The following NUDT4 variants were observed in gnomAD, a reference collection of about 807,000 sequenced individuals.
The protein encoded by NUDT4 is diphosphoinositol polyphosphate phosphohydrolase 2.
NUDT4 carries 5 observed loss-of-function variants against 23.1 expected under a neutral mutation model. The ratio of observed to expected loss-of-function variants is 0.22; its 90% CI spans 0.11 to 0.46. The LOEUF is 0.46. Ranked by LOEUF, NUDT4 falls within the 20% of genes least tolerant of loss-of-function variation. The probability of loss-of-function intolerance (pLI) is 0.99; values close to 1 mark genes in which losing one functional copy is unlikely to be tolerated. For synonymous variants in NUDT4, 50 were observed against 79.0 expected (o/e 0.63, Z 1.95); for missense variants, 96 against 211.6 (o/e 0.45, Z 3.39).
At chr12:93,379,169 G>T (rs1342400952) in intron 1 of NUDT4, among the ~76,000 whole-genome samples, 2 of 152,178 alleles carry the variant, frequency 1.3e-5, no homozygotes, top group African/African-American at 2.4e-5. Context: ...CATCTGGAAA[G>T]GAGTAGCCTT....
rs749065721 is a variant in NUDT4 at position 93,399,216 on chromosome 12, A to G, written c.380A>G (p.Lys127Arg). 2.1e-5 allele frequency: 34 copies of G among 1,599,596 alleles called. No individual in the cohort carries two copies. Among genetic ancestry groups the G allele is most frequent in the African/African-American group, 2.7e-5 (2 of 74,556 alleles). ...REWFKVEDAI[K>R]VLQCHKPVHA... is the part of the protein sequence containing the mutation. ...TGGTTCAAAGTAGAAGATGCTATCA[A>G]AGTTCTCCAGTGTCATAAACCTGTA... The change falls in exon 5 of 5, where the codon AAA becomes AGA. Residue 127 changes from lysine to arginine, a missense_variant. Lys to Arg is a conservative substitution (Grantham distance 26). Coordinates refer to ENST00000415493, the MANE Select transcript of NUDT4 (RefSeq NM_019094.6).
chr12:93,379,812 A>G (rs1352120245), intron 1 of NUDT4, among the ~76,000 whole-genome samples: 1 of 152,258 alleles, frequency 6.6e-6, no homozygotes, highest in African/African-American at 2.4e-5. Flanking sequence ...ATAAAGCCTT[A>G]GCGGAAAGGG....
chr12:93,378,764 G>T, intron 1 of NUDT4: 1 of 1,026,136 alleles, frequency 9.7e-7, no homozygotes, highest in Non-Finnish European at 1.2e-6. Flanking sequence ...AACCTCGAGT[G>T]CTCAGCGAGA....
At chr12:93,379,815 G>A (rs913183162) in intron 1 of NUDT4, among the ~76,000 whole-genome samples, 1 of 152,162 alleles carries the variant, frequency 6.6e-6, no homozygotes. Context: ...AAGCCTTAGC[G>A]GAAAGGGGCC....
chr12:93,380,797 C>T (rs188057350), intron 1 of NUDT4, among the ~76,000 whole-genome samples: 8,757 of 152,216 alleles, frequency 0.058, 256 homozygotes, highest in Non-Finnish European at 0.065. Context: ...TGCCAGACTT[C>T]CCAGGACAGT....
At chr12:93,385,159 C>T (rs1841122410) in intron 1 of NUDT4, 1 of 152,032 alleles carries the variant, frequency 6.6e-6, no homozygotes, top group South Asian at 2.1e-4. Flanking sequence ...TTCAGCAGTG[C>T]CAGGTGAGTG....
intron 1 of NUDT4, among the ~76,000 whole-genome samples, chr12:93,386,003 C>G (rs1029470420): frequency 2.1e-4 from 28 of 133,106 alleles, no homozygotes; most frequent in Non-Finnish European, 3.8e-4. Context: ...GAGATAGAAT[C>G]TCACTTCTGT....
chr12:93,385,941 T>TATATATATATATATATATA (rs1565777284), intron 1 of NUDT4, among the ~76,000 whole-genome samples: 16 of 104,606 alleles, frequency 1.5e-4, no homozygotes, highest in South Asian at 3.2e-4. Flanking sequence ...GTAAATCTTT[T>TATATATATATATATATATA]TATATATATA....
In NUDT4 at chr12:93,378,849, C is replaced by T. The variant is rs1021397232; in HGVS notation, c.99+428C>T. 5.4e-6 allele frequency: 5 copies of T among 932,674 alleles called. No homozygotes were observed. In the African/African-American group the frequency reaches 8.9e-5, roughly 17 times the overall value. 57.8% of individuals were successfully genotyped at this position (932,674 alleles called of 1,614,324 possible). ...TACATATTTTCCTTCCATGTTACAG[C>T]CGTTTGCGGTCTCGGATTCGATCTA... On this transcript the variant is annotated intron_variant, in intron 1 of 4. Transcript: ENST00000415493.
chr12:93,394,934 C>T (rs908726013), intron 2 of NUDT4, among the ~76,000 whole-genome samples: 17 of 152,040 alleles, frequency 1.1e-4, no homozygotes, highest in Non-Finnish European at 2.1e-4. Flanking sequence ...CTGCCACCTC[C>T]GCCTCCCAGG....
At chr12:93,394,879 C>T (rs973149512) in intron 2 of NUDT4, among the ~76,000 whole-genome samples, 160 bp downstream of exon 2, 4 of 151,898 alleles carry the variant, frequency 2.6e-5, no homozygotes, top group African/African-American at 9.7e-5. Flanking sequence ...GATGGAGTCT[C>T]GCTCTGTTGC....
intron 1 of NUDT4, among the ~76,000 whole-genome samples, chr12:93,393,901 G>A (rs1481966574): frequency 1.3e-5 from 2 of 152,162 alleles, no homozygotes; most frequent in Admixed American, 1.3e-4. Context: ...AGGAAACAAG[G>A]TAACCTACCT....
chr12:93,398,968 T>G, intron 4 of NUDT4, 113 bp downstream of exon 4: 1 of 854,192 alleles, frequency 1.2e-6, no homozygotes, highest in Non-Finnish European at 1.8e-6. Flanking sequence ...TATATTCCTG[T>G]GTCCAGTTTC....
rs1445088984 is a variant in NUDT4, at chr12:93,378,626, G to T, written c.99+205G>T. The T allele has an allele frequency of 2.5e-6, 3 of 1,217,078 alleles. No individual in the cohort carries two copies. The African/African-American group carries it at 4.7e-5, about 19-fold the overall frequency. 75.4% of individuals were successfully genotyped at this position (1,217,078 alleles called of 1,614,324 possible). The stretch of plus-strand genomic sequence containing the variant: ...CTGATAGATGAGACAAAGGGGGCTC[G>T]CCCAGCCCCAGTTTCTCCATCTGGG... On this transcript the variant is annotated intron_variant, in intron 1 of 4. Coordinates refer to ENST00000415493, the MANE Select transcript of NUDT4 (RefSeq NM_019094.6).
intron 1 of NUDT4, among the ~76,000 whole-genome samples, chr12:93,383,932 C>T (rs1041038997): frequency 8.5e-5 from 13 of 152,112 alleles, no homozygotes; most frequent in Admixed American, 3.9e-4. Flanking sequence ...ATGGCTCCTC[C>T]GCTCCCCTTC....
rs546416591 is a variant in NUDT4 at position 93,381,966 on chromosome 12, A to G, written c.99+3545A>G. Among the ~76,000 whole-genome samples the G allele has an allele frequency of 8.6e-4, 131 of 152,326 alleles. 1 individual carries two copies. The highest frequency in any genetic ancestry group is 1.7e-3 in the Non-Finnish European group (114 of 68,014). ...CATTAACAAATCAGTCTGAAGGACT[A>G]ACCACTACAGGCCAGGCAGGTGGCT... On this transcript the variant is annotated intron_variant, in intron 1 of 4. Coordinates refer to ENST00000415493, the MANE Select transcript of NUDT4 (RefSeq NM_019094.6).
rs1877811711 is a variant in NUDT4, at chr12:93,406,287, A to G, written c.*6908A>G. ...TGGCTAGAGCAGCCAAAAAAAAAAA[A>G]AAAAAAAAAAAAAAAAAAGGTTCCT... On this transcript the variant is annotated 3_prime_UTR_variant, in exon 5 of 5. Coordinates refer to ENST00000415493, the MANE Select transcript of NUDT4 (RefSeq NM_019094.6). 2 of 135,138 alleles carry G rather than the reference A, an allele frequency of 1.5e-5. No homozygotes were observed. The highest frequency in any genetic ancestry group is 5.9e-5 in the African/African-American group (2 of 33,976). The allele number at this position is 135,138 out of a possible 1,614,324, so 8.4% of individuals were successfully genotyped here.
chr12:93,406,417 T>C lies in NUDT4; in HGVS notation c.*7038T>C, dbSNP rs1402297202. ...TAATGTCTTTTAGGACAGATTTCCT[T>C]CCCCATTCTCCATCAAACAACCATA... On this transcript the variant is annotated 3_prime_UTR_variant, in exon 5 of 5. Transcript: ENST00000415493. The C allele has an allele frequency of 1.3e-5, 2 of 151,860 alleles. No individual in the cohort carries two copies. Among genetic ancestry groups the C allele is most frequent in the Non-Finnish European group, 2.9e-5 (2 of 67,976 alleles). 9.4% of individuals were successfully genotyped at this position (151,860 alleles called of 1,614,324 possible).
chr12:93,378,098 G>C lies in NUDT4; in HGVS notation c.-225G>C. The C allele has an allele frequency of 4.0e-6, 1 of 251,906 alleles. No homozygotes were observed. Among genetic ancestry groups the C allele is most frequent in the Non-Finnish European group, 7.6e-6 (1 of 131,684 alleles). 15.6% of individuals were successfully genotyped at this position (251,906 alleles called of 1,614,324 possible). Reference sequence around the variant, plus strand: ...TGGGCAGAGGCGGAGCTTTCATCTCGGCACCCTGGTTCCAGTGACCCGCGC... The same window carrying C: ...TGGGCAGAGGCGGAGCTTTCATCTCCGCACCCTGGTTCCAGTGACCCGCGC... On this transcript the variant is annotated 5_prime_UTR_variant, in exon 1 of 5. Coordinates refer to ENST00000415493, the MANE Select transcript of NUDT4 (RefSeq NM_019094.6).
Sources: allele counts gnomAD v4.1 joint callset (sites outside exome capture counted in the v4.1 genomes callset), GRCh38; gene constraint gnomAD v4.1.1; transcripts MANE v1.5; gene names NCBI Gene and HGNC (gene_info 2026-07-23, HGNC 2026-07-21).